The following DMBT1 variants were observed in gnomAD, a reference collection of about 807,000 sequenced individuals.
DMBT1 encodes deleted in malignant brain tumors 1.
A neutral mutation model predicts 252.9 loss-of-function variants in DMBT1; 198 were observed. That is an observed-to-expected ratio of 0.78 (90% CI 0.70 to 0.88). The LOEUF (loss-of-function observed/expected upper bound fraction) is 0.88, where lower values mean the gene tolerates loss of function less well. Ranked by LOEUF, DMBT1 falls within the 40% of genes least tolerant of loss-of-function variation. The pLI is 0.00. For missense variants in DMBT1, 2,432 were observed against 2,404.7 expected, an observed-to-expected ratio of 1.01 and a Z score of -0.24; for synonymous variants, 990 against 942.7, an observed-to-expected ratio of 1.05 and a Z score of -0.92.
rs4752722 is a variant in DMBT1, at chr10:122,592,438, G to A, written c.2343G>A (p.Ser781=). The change falls in exon 20 of 56, where the codon TCG becomes TCA. Residue 781 remains serine (S), a synonymous_variant. Transcript: ENST00000338354. ...CRQLGCGWAT[S]APGNARFGQG... ...AGCTGGGCTGTGGCTGGGCCACGTC[G>A]GCCCCAGGAAATGCCCGGTTTGGCC... is the stretch of plus-strand genomic sequence containing the variant. 292,180 of 1,587,048 alleles carry A rather than the reference G, an allele frequency of 0.18. 57,269 individuals are homozygous for A. The highest frequency in any genetic ancestry group is 0.51 in the African/African-American group (38,078 of 74,098).
rs540411429 is a variant in DMBT1, at chr10:122,618,185, C to G, written c.5060C>G (p.Ala1687Gly). The G allele has an allele frequency of 6.2e-7, 1 of 1,613,872 alleles. No homozygotes were observed. Among genetic ancestry groups the G allele is most frequent in the South Asian group, 1.1e-5 (1 of 91,074 alleles). Reference sequence around the variant, plus strand: ...CTGGGCTGTGGCTGGGCCATGTCAGCCCCAGGAAATGCCCAGTTTGGCCAG... The same window carrying G: ...CTGGGCTGTGGCTGGGCCATGTCAGGCCCAGGAAATGCCCAGTTTGGCCAG... ...RQLGCGWAMSAPGNAQFGQGS... is the reference protein window; with the variant it reads ...RQLGCGWAMSGPGNAQFGQGS... The change falls in exon 41 of 56, where the codon GCC becomes GGC. Residue 1687 changes from alanine (A) to glycine (G), a missense_variant. Ala to Gly is a moderately conservative substitution (Grantham distance 60). This residue lies in a region of DMBT1 where 1,162 missense variants were observed against 1,169.0 expected (regional missense o/e 0.99). Coordinates refer to ENST00000338354, the MANE Select transcript of DMBT1 (RefSeq NM_001377530.1).
In DMBT1 at chr10:122,589,287, G is replaced by A. The variant is rs746296810; in HGVS notation, c.2107+20G>A. 8.8e-6 allele frequency: 14 copies of A among 1,588,024 alleles called. 2 individuals carry two copies. Among genetic ancestry groups the A allele is most frequent in the Non-Finnish European group, 9.4e-6 (11 of 1,165,554 alleles). On this transcript the variant is annotated intron_variant, in intron 17 of 55. Coordinates refer to ENST00000338354, the MANE Select transcript of DMBT1 (RefSeq NM_001377530.1). Reference sequence around the variant, plus strand: ...GCTCAGGTGGGCCTCCAGCAATTTTGGTTTCCTCTCTTGGGGTAGATTTTG... The same window carrying A: ...GCTCAGGTGGGCCTCCAGCAATTTTAGTTTCCTCTCTTGGGGTAGATTTTG...
rs143892520 is a variant in DMBT1 at position 122,586,280 on chromosome 10, C to G, written c.1680C>G (p.Asp560Glu). 0.017 allele frequency: 26,684 copies of G among 1,588,610 alleles called. 2,819 individuals carry two copies. The highest frequency in any genetic ancestry group is 0.025 in the Middle Eastern group (153 of 6,008). The change falls in exon 16 of 56, where the codon GAC (aspartate) becomes GAG (glutamate). Residue 560 changes from aspartate (D) to glutamate (E), a missense_variant. Physicochemically the swap from Asp to Glu is conservative, Grantham distance 45. Around this residue, in one of 3 missense-constraint regions of DMBT1, gnomAD observed 1,264 missense variants for 1,082.2 expected, o/e 1.17. Transcript: ENST00000338354. ...GQGSGPIVLD[D>E]VRCSGNESYL... ...GCTCAGGACCCATTGTCCTGGATGACGTGCGCTGCTCAGGGAATGAGTCCT... is the reference window on the plus strand; with the variant it reads ...GCTCAGGACCCATTGTCCTGGATGAGGTGCGCTGCTCAGGGAATGAGTCCT...
At chr10:122,593,031 G>A (rs906743206) in intron 20 of DMBT1, among the ~76,000 whole-genome samples, 1 of 148,714 alleles carries the variant, frequency 6.7e-6, no homozygotes, top group Non-Finnish European at 1.5e-5. Flanking sequence ...CAGTGAGGAG[G>A]TCTGGAAATA....
intron 54 of DMBT1, among the ~76,000 whole-genome samples, chr10:122,639,447 G>T (rs981857236): frequency 2.6e-5 from 4 of 152,118 alleles, no homozygotes; most frequent in African/African-American, 9.7e-5. Context: ...ATAGGATTTG[G>T]GTAGGTAGTG....
rs878983340 is a variant in DMBT1, at chr10:122,630,491, G to A, written c.6025+1G>A. ...GCTTGGTATAACTCCTTCCCAAGCG[G>A]TAAGTGCACACTAGACCATGCCTAT... On this transcript the variant is annotated splice_donor_variant, in intron 48 of 55. Coordinates refer to ENST00000338354, the MANE Select transcript of DMBT1 (RefSeq NM_001377530.1). LOFTEE classifies it high-confidence loss of function. The A allele has an allele frequency of 6.2e-7, 1 of 1,613,870 alleles. No individual in the cohort carries two copies. Among genetic ancestry groups the A allele is most frequent in the Non-Finnish European group, 8.5e-7 (1 of 1,179,838 alleles).
chr10:122,631,316 T>A, intron 49 of DMBT1, 35 bp downstream of exon 49: 1 of 1,601,938 alleles, frequency 6.2e-7, no homozygotes, highest in Non-Finnish European at 8.5e-7. Context: ...CCATTTCACC[T>A]GTAACTTGCT....
rs893445812 is a variant in DMBT1, at chr10:122,617,366, C to A, written c.4891+106C>A. ...AGGTGGGCCCCTCTCTTTTCATGTC[C>A]CTGTGGGTTGGGTGGGAGGAAGGTG... On this transcript the variant is annotated intron_variant, in intron 40 of 55. Coordinates refer to ENST00000338354, the MANE Select transcript of DMBT1 (RefSeq NM_001377530.1). The A allele has an allele frequency of 2.9e-6, 4 of 1,378,012 alleles. No homozygotes were observed. The African/African-American group carries it at 5.9e-5, about 20-fold the overall frequency. 85.4% of individuals were successfully genotyped at this position (1,378,012 alleles called of 1,614,324 possible).
Position 122,621,215 on chromosome 10 carries a change from G to A in DMBT1, c.5443G>A (p.Ala1815Thr). ...VVCRQLGCGW[A>T]MSAPGNARFG... ...CTGCAGGCAGCTGGGCTGTGGCTGG[G>A]CCATGTCGGCCCCAGGAAATGCCCG... Residue 1815 changes from alanine (A) to threonine (T), a missense_variant, in exon 44 of 56, where the codon GCC (alanine) becomes ACC (threonine). By Grantham distance (58) the Ala-to-Thr change is moderately conservative. Coordinates refer to ENST00000338354, the MANE Select transcript of DMBT1 (RefSeq NM_001377530.1). 1.2e-6 allele frequency: 2 copies of A among 1,613,888 alleles called. No individual in the cohort carries two copies. Among genetic ancestry groups the A allele is most frequent in the Admixed American group, 1.7e-5 (1 of 60,024 alleles).
chr10:122,570,753 A>G, intron 3 of DMBT1, 137 bp from the exon 4 acceptor site: 1 of 1,074,338 alleles, frequency 9.3e-7, no homozygotes, highest in East Asian at 2.4e-5. Flanking sequence ...TGATTGGCAC[A>G]TGGTTGGCTT....
rs1025464333 is a variant in DMBT1 at position 122,623,787 on chromosome 10, A to T, written c.5609-1490A>T. Among the ~76,000 whole-genome samples, 8 of 152,342 alleles carry T rather than the reference A, an allele frequency of 5.3e-5. No individual in the cohort carries two copies. In the East Asian group the frequency reaches 1.4e-3, roughly 26 times the overall value. On this transcript the variant is annotated intron_variant, in intron 44 of 55. Transcript: ENST00000338354. ...TGTCAGTATCTTAGCCCAGGCTCAC[A>T]GGACAGGGTTCAGGTACACAGAGGG... is the stretch of plus-strand genomic sequence containing the variant.
chr10:122,565,756 T>C (rs1177939726), intron 1 of DMBT1, among the ~76,000 whole-genome samples: 2 of 152,210 alleles, frequency 1.3e-5, no homozygotes, highest in African/African-American at 4.8e-5. Flanking sequence ...CTTCATTACA[T>C]CTAAAATGAT....
Position 122,597,969 on chromosome 10 carries a change from T to A in DMBT1, c.2918-5T>A, listed in dbSNP as rs779860637. 1.2e-6 allele frequency: 2 copies of A among 1,613,944 alleles called. No homozygotes were observed. The highest frequency in any genetic ancestry group is 2.2e-5 in the South Asian group (2 of 91,074). ...TTCTAGCCTTTGTCTCTGTTGCAAT[T>A]ACAGACACATTGCCGACCATCACCT... On this transcript the variant is annotated splice_region_variant and splice_polypyrimidine_tract_variant and intron_variant, in intron 24 of 55. Transcript: ENST00000338354.
At chr10:122,627,502 A>T (rs1443654258) in intron 46 of DMBT1, among the ~76,000 whole-genome samples, 1 of 152,196 alleles carries the variant, frequency 6.6e-6, no homozygotes, top group Non-Finnish European at 1.5e-5. Context: ...AGGTTTAATG[A>T]CTATATGATT....
chr10:122,631,138 C>A lies in DMBT1; in HGVS notation c.6203C>A (p.Ala2068Glu), dbSNP rs777138564. The change falls in exon 49 of 56, where the codon GCA (alanine) becomes GAA (glutamate). Residue 2068 changes from alanine (A) to glutamate (E), a missense_variant. Physicochemically the swap from Ala to Glu is moderately radical, Grantham distance 107. Around this residue, in one of 3 missense-constraint regions of DMBT1, gnomAD observed 1,162 missense variants for 1,169.0 expected, o/e 0.99. Coordinates refer to ENST00000338354, the MANE Select transcript of DMBT1 (RefSeq NM_001377530.1). ...CGRAVSALGNAYFGSGSGPIT... is the reference protein window; with the variant it reads ...CGRAVSALGNEYFGSGSGPIT... The stretch of plus-strand genomic sequence containing the variant: ...CGTGCAGTTTCAGCCCTTGGAAATG[C>A]ATATTTTGGCTCTGGCTCTGGCCCC... The A allele has an allele frequency of 1.2e-6, 2 of 1,613,966 alleles. No homozygotes were observed. The highest frequency in any genetic ancestry group is 3.3e-5 in the Admixed American group (2 of 60,026).
intron 54 of DMBT1, among the ~76,000 whole-genome samples, chr10:122,639,795 AGGTGGACAAGGTAGAACC>A (rs1844191684): frequency 6.6e-6 from 1 of 152,238 alleles, no homozygotes; most frequent in Non-Finnish European, 1.5e-5. Context: ...CGCTAAGAGC[AGGTGGACAAGGTAGAACC>A]CCTTCCTGTG....
At chr10:122,630,940 C>T (rs762407554) in intron 48 of DMBT1, 21 bp from the exon 49 acceptor site, 7 of 1,575,670 alleles carry the variant, frequency 4.4e-6, no homozygotes, top group East Asian at 2.3e-5. Flanking sequence ...GCCATGATCT[C>T]TCAGTTAATG....
Position 122,576,466 on chromosome 10 carries a change from C to G in DMBT1, c.351C>G (p.Ile117Met), listed in dbSNP as rs201930777. The G allele has an allele frequency of 4.0e-5, 64 of 1,613,984 alleles. No homozygotes were observed. In the Admixed American group the frequency reaches 1.0e-3, roughly 25 times the overall value. ...GCAGGTGTCAGGGCCGAGTGGAGAT[C>G]CTATACCGAGGCTCCTGGGGCACCG... ...GDGRCQGRVE[I>M]LYRGSWGTVC... The change falls in exon 7 of 56, where the codon ATC (isoleucine) becomes ATG (methionine). Residue 117 changes from isoleucine to methionine, a missense_variant. This residue lies in a region of DMBT1 where 1,264 missense variants were observed against 1,082.2 expected (regional missense o/e 1.17). Transcript: ENST00000338354.
chr10:122,588,075 C>A lies in DMBT1; in HGVS notation c.1784-869C>A, dbSNP rs760268063. ...TATCTGGAGACTTTTCCTTTTGGAG[C>A]TTTTCACCCTCAAGTTTAATTCTAG... On this transcript the variant is annotated intron_variant, in intron 16 of 55. Coordinates refer to ENST00000338354, the MANE Select transcript of DMBT1 (RefSeq NM_001377530.1). 8.8e-5 allele frequency among the ~76,000 whole-genome samples: 13 copies of A among 148,368 alleles called. 1 individual carries two copies. Among genetic ancestry groups the A allele is most frequent in the Non-Finnish European group, 1.8e-4 (12 of 66,688 alleles).
Sources: gnomAD v4.1 joint callset for allele counts (sites outside exome capture counted in the v4.1 genomes callset) on GRCh38, gnomAD v4.1.1 for gene constraint, gnomAD v4.1.1 regional missense constraint, MANE v1.5 for transcripts, NCBI Gene and HGNC (gene_info 2026-07-23, HGNC 2026-07-21) for gene names.